PKD1L1: variants seen among roughly 807,000 people sequenced by gnomAD.
The protein encoded by PKD1L1 is polycystin 1 like 1, transient receptor potential channel interacting.
In PKD1L1, 236 loss-of-function variants were observed where a neutral mutation model predicts 323.4. That is an observed-to-expected ratio of 0.73 (90% CI 0.66 to 0.81). PKD1L1 has a LOEUF of 0.81. PKD1L1 is among the 40% of genes least tolerant of loss of function. The pLI is 0.00. For missense variants in PKD1L1, 3,320 were observed against 3,508.0 expected (o/e 0.95, Z 1.35); for synonymous variants, 1,344 against 1,335.0 (o/e 1.01, Z -0.15).
intron 8 of PKD1L1, among the ~76,000 whole-genome samples, chr7:47,912,020 C>T (rs542827322): frequency 7.3e-5 from 11 of 150,902 alleles, no homozygotes; most frequent in African/African-American, 2.7e-4. Context: ...GGAGAAAAGA[C>T]CATTCAGCAT....
intron 33 of PKD1L1, 93 bp from the exon 34 acceptor site, chr7:47,843,262 A>C: frequency 1.1e-6 from 1 of 944,236 alleles, no homozygotes; most frequent in Non-Finnish European, 1.6e-6. Flanking sequence ...TTACACACAA[A>C]AGTCCCTGCT....
At chr7:47,909,396 C>T (rs1787272503) in intron 8 of PKD1L1, among the ~76,000 whole-genome samples, 1 of 152,172 alleles carries the variant, frequency 6.6e-6, no homozygotes, top group Admixed American at 6.5e-5. Flanking sequence ...GGCCGGTCTC[C>T]ATCACAAATA....
intron 23 of PKD1L1, among the ~76,000 whole-genome samples, chr7:47,875,874 G>A (rs1202418175): frequency 6.6e-6 from 1 of 152,100 alleles, no homozygotes. Flanking sequence ...CATTTACAGT[G>A]TATTTCAGTT....
chr7:47,910,662 C>A (rs1016453743), intron 8 of PKD1L1, among the ~76,000 whole-genome samples: 13 of 126,706 alleles, frequency 1.0e-4, no homozygotes, highest in Middle Eastern at 5.6e-3. Context: ...TTCAAGTTGA[C>A]TTTTTTTTTT....
intron 8 of PKD1L1, among the ~76,000 whole-genome samples, chr7:47,910,369 C>T (rs1323428582): frequency 3.4e-5 from 5 of 145,570 alleles, no homozygotes; most frequent in African/African-American, 1.3e-4. Flanking sequence ...GAGTCTTGCT[C>T]TGTCGCCCAG....
At chr7:47,956,831 G>A in the PKD1L1 span, 1 of 157,844 alleles carries the variant, frequency 6.3e-6, no homozygotes, top group East Asian at 1.8e-4. Context: ...TGATGATGAT[G>A]ATGATCAACC....
chr7:47,884,683 G>A (rs758234538), intron 18 of PKD1L1, 26 bp from the exon 19 acceptor site: 24 of 1,586,084 alleles, frequency 1.5e-5, no homozygotes, highest in Non-Finnish European at 2.0e-5. Context: ...AAATCATAAT[G>A]TTTCCTTTAA....
chr7:47,866,741 T>G (rs1583632408), intron 24 of PKD1L1, 127 bp from the exon 25 acceptor site: 2 of 695,732 alleles, frequency 2.9e-6, no homozygotes, highest in Middle Eastern at 3.9e-4. Context: ...AGAAAGAGAA[T>G]GATACAAAGG....
chr7:47,880,278 A>ATTTTTTTTTTTTTT (rs1562970489), intron 21 of PKD1L1, among the ~76,000 whole-genome samples: 6 of 73,630 alleles, frequency 8.1e-5, no homozygotes, highest in African/African-American at 3.6e-4. Context: ...ATATATATAT[A>ATTTTTTTTTTTTTT]TATATATTTT....
chr7:47,849,151 A>C (rs896594954), intron 31 of PKD1L1, among the ~76,000 whole-genome samples: 1 of 152,238 alleles, frequency 6.6e-6, no homozygotes, highest in African/African-American at 2.4e-5. Context: ...CCACGTGTAG[A>C]AGAATAAAAC....
chr7:47,843,192 A>C (rs768944744), intron 33 of PKD1L1, 23 bp from the exon 34 acceptor site: 29 of 1,564,342 alleles, frequency 1.9e-5, no homozygotes, highest in Non-Finnish European at 2.4e-5. Flanking sequence ...GGAGAGATAT[A>C]AAGAAAATTG....
At chr7:47,897,934 G>A (rs1458783157) in intron 14 of PKD1L1, 54 bp downstream of exon 14, 22 of 1,409,328 alleles carry the variant, frequency 1.6e-5, no homozygotes, top group South Asian at 2.8e-5. Context: ...GCTCCAGGGC[G>A]ATGAGAAGCA....
At chr7:47,800,007 C>T (rs779248781) in intron 54 of PKD1L1, among the ~76,000 whole-genome samples, 2 of 152,188 alleles carry the variant, frequency 1.3e-5, no homozygotes, top group Non-Finnish European at 2.9e-5. Flanking sequence ...CTGCAGGGGG[C>T]TTACTAATAC....
chr7:47,780,131 C>A (rs1440118060), intron 56 of PKD1L1, among the ~76,000 whole-genome samples: 1 of 152,090 alleles, frequency 6.6e-6, no homozygotes, highest in Non-Finnish European at 1.5e-5. Flanking sequence ...CCTCAATGGT[C>A]ACATCTTGCA....
intron 8 of PKD1L1, among the ~76,000 whole-genome samples, chr7:47,910,374 G>A (rs1440928187): frequency 5.6e-5 from 8 of 142,798 alleles, no homozygotes; most frequent in South Asian, 4.4e-4. Flanking sequence ...TTGCTCTGTC[G>A]CCCAGGCTAA....
At chr7:47,954,332 A>G in the PKD1L1 span, among the ~76,000 whole-genome samples, 9 of 152,216 alleles carry the variant, frequency 5.9e-5, no homozygotes, top group East Asian at 1.9e-4. Context: ...CCCTAAATTC[A>G]TAAGTTAGAA....
chr7:47,944,833 A>G (rs899993304), intron 1 of PKD1L1, among the ~76,000 whole-genome samples: 2 of 152,206 alleles, frequency 1.3e-5, no homozygotes, highest in Non-Finnish European at 2.9e-5. Context: ...TCTGGCACCA[A>G]TCGACTTGAG....
intron 27 of PKD1L1, 104 bp downstream of exon 27, chr7:47,858,569 G>A (rs1785953225): frequency 1.8e-6 from 2 of 1,085,614 alleles, no homozygotes; most frequent in African/African-American, 1.6e-5. Flanking sequence ...CAGTACTTCA[G>A]AAACTGATTC....
chr7:47,802,060 G>A (rs1784674661), intron 53 of PKD1L1, among the ~76,000 whole-genome samples: 1 of 152,002 alleles, frequency 6.6e-6, no homozygotes. Context: ...ACATGGTGGT[G>A]TGTGCCTGTA....
Sources: allele counts gnomAD v4.1 joint callset (sites outside exome capture counted in the v4.1 genomes callset), GRCh38; gene constraint gnomAD v4.1.1; transcripts MANE v1.5; gene names NCBI Gene and HGNC (gene_info 2026-07-23, HGNC 2026-07-21).